Variants in KCNH5 observed in about 807,000 individuals in gnomAD.
KCNH5 encodes potassium voltage-gated channel subfamily H member 5, also known as voltage-gated delayed rectifier potassium channel KCNH5.
In KCNH5, 46 loss-of-function variants were observed where a neutral mutation model predicts 96.1. The ratio of observed to expected loss-of-function variants is 0.48; its 90% CI spans 0.38 to 0.61. The LOEUF (loss-of-function observed/expected upper bound fraction) is 0.61, where lower values mean the gene tolerates loss of function less well. Ranked by LOEUF, KCNH5 falls within the 20% of genes least tolerant of loss-of-function variation. The pLI is 0.00. For synonymous variants in KCNH5, 439 were observed against 449.8 expected (o/e 0.98, Z 0.30); for missense variants, 907 against 1,225.8 (o/e 0.74, Z 3.88).
chr14:62,778,149 T>C (rs1886137062), intron 10 of KCNH5, among the ~76,000 whole-genome samples: 1 of 152,164 alleles, frequency 6.6e-6, no homozygotes, highest in South Asian at 2.1e-4. Context: ...CATTTTAGAT[T>C]GAAGGGAACT....
intron 9 of KCNH5, among the ~76,000 whole-genome samples, chr14:62,780,515 G>A (rs1886188503): frequency 6.6e-6 from 1 of 152,026 alleles, no homozygotes; most frequent in African/African-American, 2.4e-5. Flanking sequence ...CAATTACAAA[G>A]CTGAAGGACC....
Position 62,706,881 on chromosome 14 carries a change from T to G in KCNH5, c.*627A>C, listed in dbSNP as rs1884443995. On this transcript the variant is annotated 3_prime_UTR_variant, in exon 11 of 11. Transcript: ENST00000322893. ...GTATAATGTTAAAAAACGAGAGGTA[T>G]AGTTGATCAAAAATGTAATTCATGC... is the stretch of plus-strand genomic sequence containing the variant. 6.6e-6 allele frequency: 1 copy of G among 152,148 alleles called. No individual in the cohort carries two copies. The highest frequency in any genetic ancestry group is 2.4e-5 in the African/African-American group (1 of 41,430). 9.4% of individuals were successfully genotyped at this position (152,148 alleles called of 1,614,324 possible).
chr14:62,714,042 G>A (rs982713388), intron 10 of KCNH5, among the ~76,000 whole-genome samples: 6 of 152,056 alleles, frequency 3.9e-5, no homozygotes, highest in African/African-American at 1.4e-4. Flanking sequence ...CAGCCCTTTG[G>A]GAGGCCAAAG....
At chr14:62,786,376 C>G (rs181684) in intron 9 of KCNH5, among the ~76,000 whole-genome samples, 152,258 of 152,264 alleles carry the variant, frequency 1, 76,126 homozygotes, top group Non-Finnish European at 1. Context: ...TTAATCCATG[C>G]CTTCACTTCT....
chr14:62,846,878 G>A (rs1421216303), intron 8 of KCNH5, among the ~76,000 whole-genome samples: 1 of 128,174 alleles, frequency 7.8e-6, no homozygotes, highest in African/African-American at 3.0e-5. Context: ...TCAGCTCACT[G>A]CAAGCTCCGC....
intron 6 of KCNH5, among the ~76,000 whole-genome samples, chr14:62,971,654 T>C (rs1383487999): frequency 2.4e-5 from 3 of 123,784 alleles, no homozygotes; most frequent in Admixed American, 7.2e-5. Flanking sequence ...GGAGAAAAAA[T>C]AGACAATAGA....
intron 8 of KCNH5, among the ~76,000 whole-genome samples, chr14:62,838,635 A>G (rs10047851): frequency 0.1 from 15,259 of 152,186 alleles, 1,054 homozygotes; most frequent in East Asian, 0.29. Flanking sequence ...AAGGTGTGAT[A>G]AGGAGACACT....
At position 62,837,267 on chromosome 14, in the gene KCNH5, G is replaced by A. The variant is rs150158405; in HGVS notation, c.1569+12386C>T. Among the ~76,000 whole-genome samples, 637 of 152,282 alleles carry A rather than the reference G, an allele frequency of 4.2e-3. 4 individuals carry two copies. The highest frequency in any genetic ancestry group is 0.014 in the African/African-American group (578 of 41,558). On this transcript the variant is annotated intron_variant, in intron 8 of 10. Coordinates refer to ENST00000322893, the MANE Select transcript of KCNH5 (RefSeq NM_139318.5). Reference sequence around the variant, plus strand: ...CCTACTAGACTGTGAGTCCTGCGTGGCAGGAACTGCCTCATATCCACCACT... The same window carrying A: ...CCTACTAGACTGTGAGTCCTGCGTGACAGGAACTGCCTCATATCCACCACT...
Position 62,849,779 on chromosome 14 carries a change from G to A in KCNH5, c.1443C>T (p.Tyr481=). The A allele has an allele frequency of 1.2e-6, 2 of 1,613,818 alleles. No individual in the cohort carries two copies. The highest frequency in any genetic ancestry group is 1.1e-5 in the South Asian group (1 of 91,070). The change falls in exon 8 of 11, where the codon TAC becomes TAT. Residue 481 remains tyrosine, a synonymous_variant. Coordinates refer to ENST00000322893, the MANE Select transcript of KCNH5 (RefSeq NM_139318.5). ...CCCGTACATTATTCAGCATCTCATG[G>A]TATCGGTTGGTGTTGGCATACATTT... ...FQQMYANTNR[Y]HEMLNNVRDF... is the part of the protein sequence containing the mutation.
At chr14:62,827,181 A>G (rs1274663303) in intron 8 of KCNH5, among the ~76,000 whole-genome samples, 1 of 152,170 alleles carries the variant, frequency 6.6e-6, no homozygotes, top group Non-Finnish European at 1.5e-5. Flanking sequence ...GCATTTAAAG[A>G]CAGGTGTTTA....
intron 7 of KCNH5, among the ~76,000 whole-genome samples, chr14:62,896,393 A>T (rs1030160715): frequency 2.0e-5 from 3 of 152,212 alleles, no homozygotes; most frequent in Non-Finnish European, 4.4e-5. Flanking sequence ...TACAAGATGG[A>T]GGCCTACTAT....
chr14:62,712,136 C>G (rs1884583379), intron 10 of KCNH5: 1 of 154,458 alleles, frequency 6.5e-6, no homozygotes, highest in Admixed American at 6.3e-5. Context: ...GAACTGACAC[C>G]TAACCGCAAA....
chr14:63,006,919 C>T (rs1016894374), intron 2 of KCNH5, among the ~76,000 whole-genome samples: 13 of 152,154 alleles, frequency 8.5e-5, no homozygotes, highest in Non-Finnish European at 1.8e-4. Flanking sequence ...CATATTGCCT[C>T]CTTTTCTCTC....
At chr14:62,887,803 GA>G (rs370534363) in intron 7 of KCNH5, among the ~76,000 whole-genome samples, 33 of 146,702 alleles carry the variant, frequency 2.2e-4, no homozygotes, top group South Asian at 6.5e-4. Context: ...TACTGCATAA[GA>G]AAAAAAAAAG....
intron 2 of KCNH5, 56 bp from the exon 3 acceptor site, chr14:63,006,528 C>T (rs1207060962): frequency 2.3e-5 from 22 of 975,400 alleles, no homozygotes; most frequent in East Asian, 1.2e-4. Flanking sequence ...CTTTCAAATG[C>T]TACAAAAATC....
At chr14:62,769,226 C>A (rs888096027) in intron 10 of KCNH5, among the ~76,000 whole-genome samples, 3 of 152,236 alleles carry the variant, frequency 2.0e-5, no homozygotes, top group South Asian at 2.1e-4. Flanking sequence ...GGCGTGTAAA[C>A]TGTGAAGTGA....
intron 7 of KCNH5, among the ~76,000 whole-genome samples, chr14:62,929,593 T>C (rs959451308): frequency 6.6e-6 from 1 of 152,140 alleles, no homozygotes. Context: ...GTTGTTCAAT[T>C]TATAATGAGG....
intron 9 of KCNH5, among the ~76,000 whole-genome samples, chr14:62,790,127 TC>T (rs78492645): frequency 0.25 from 37,232 of 151,380 alleles, 5,206 homozygotes; most frequent in South Asian, 0.52. Context: ...CATGTGGAAA[TC>T]CAGTTTTCTC....
At chr14:62,814,340 G>A (rs988679659) in intron 8 of KCNH5, among the ~76,000 whole-genome samples, 2 of 152,158 alleles carry the variant, frequency 1.3e-5, no homozygotes, top group African/African-American at 4.8e-5. Context: ...ATGAAATTTA[G>A]AGCTTCTACT....
Sources: allele counts gnomAD v4.1 joint callset (sites outside exome capture counted in the v4.1 genomes callset), GRCh38; gene constraint gnomAD v4.1.1; transcripts MANE v1.5; gene names NCBI Gene and HGNC (gene_info 2026-07-23, HGNC 2026-07-21).